Variants in PRC1 observed in about 807,000 individuals in gnomAD.
PRC1 encodes the protein protein regulator of cytokinesis 1.
In PRC1, 54 loss-of-function variants were observed where a neutral mutation model predicts 91.2. The observed-to-expected ratio is 0.59, with a 90% CI of 0.48 to 0.74. The LOEUF (loss-of-function observed/expected upper bound fraction) is 0.74, where lower values mean the gene tolerates loss of function less well. Ranked by LOEUF, PRC1 falls within the 30% of genes least tolerant of loss-of-function variation. PRC1 has a pLI of 0.00. For missense variants in PRC1, 727 were observed against 746.2 expected, an observed-to-expected ratio of 0.97 and a Z score of 0.30; for synonymous variants, 275 against 263.6, an observed-to-expected ratio of 1.04 and a Z score of -0.42.
intron 11 of PRC1, among the ~76,000 whole-genome samples, chr15:90,972,566 CCT>C (rs1454392012): frequency 6.6e-6 from 1 of 151,908 alleles, no homozygotes; most frequent in Non-Finnish European, 1.5e-5. Context: ...ATGGAGAAAC[CCT>C]GTCTCTACTA....
At chr15:90,968,109 CA>C in intron 14 of PRC1, 4 of 985,412 alleles carry the variant, frequency 4.1e-6, no homozygotes, top group Non-Finnish European at 4.8e-6. Flanking sequence ...CATAGCAACC[CA>C]AACCAGACGA....
In PRC1 at chr15:90,966,690, G is replaced by C. The variant is rs3743450; in HGVS notation, c.*441C>G. On this transcript the variant is annotated 3_prime_UTR_variant, in exon 15 of 15. Coordinates refer to ENST00000394249, the MANE Select transcript of PRC1 (RefSeq NM_003981.4). ...GGACAAGGCTTCAGGTAAGAGCAAA[G>C]CTATGATAGCTACAGCATTAATTGA... 4.4e-6 allele frequency: 2 copies of C among 455,780 alleles called. No homozygotes were observed. Among genetic ancestry groups the C allele is most frequent in the Non-Finnish European group, 8.8e-6 (2 of 226,836 alleles). The allele number at this position is 455,780 out of a possible 1,614,324, so 28.2% of individuals were successfully genotyped here.
rs200964554 is a variant in PRC1 at position 90,970,469 on chromosome 15, G to C, written c.1507C>G (p.Arg503Gly). 4 of 1,613,770 alleles carry C rather than the reference G, an allele frequency of 2.5e-6. No homozygotes were observed. The change falls in exon 12 of 15, where the codon CGG becomes GGG. Residue 503 changes from arginine to glycine, a missense_variant. Physicochemically the swap from Arg to Gly is moderately radical, Grantham distance 125 (BLOSUM62 -2). Coordinates refer to ENST00000394249, the MANE Select transcript of PRC1 (RefSeq NM_003981.4). ...TAGACTGTCCCTCCAAAGATAGGCCGAATGCTACTATTGGCCGTAGCATTG... is the reference window on the plus strand; with the variant it reads ...TAGACTGTCCCTCCAAAGATAGGCCCAATGCTACTATTGGCCGTAGCATTG... ...MSNATANSSI[R>G]PIFGGTVYHS... is the part of the protein sequence containing the mutation.
rs1414292733 is a variant in PRC1, at chr15:90,966,090, A to ATATT, written c.*1037_*1040dup. 1 of 152,338 alleles carries ATATT rather than the reference A, an allele frequency of 6.6e-6. No individual in the cohort carries two copies. Among genetic ancestry groups the ATATT allele is most frequent in the Non-Finnish European group, 1.5e-5 (1 of 68,106 alleles). The allele number at this position is 152,338 out of a possible 1,614,324, so 9.4% of individuals were successfully genotyped here. On this transcript the variant is annotated 3_prime_UTR_variant, in exon 15 of 15. Transcript: ENST00000394249. ...TTAATTTATTTTTAAGAATAATTGTATATTTTAAAAACAGGACACGTACTG... is the reference window on the plus strand; with the variant it reads ...TTAATTTATTTTTAAGAATAATTGTATATTTATTTTAAAAACAGGACACGTACTG...
At chr15:90,992,712 T>G (rs1183063656) in intron 1 of PRC1, among the ~76,000 whole-genome samples, 1 of 152,178 alleles carries the variant, frequency 6.6e-6, no homozygotes, top group Non-Finnish European at 1.5e-5. Flanking sequence ...GTCTGAGTTT[T>G]TTTTTTAGAT....
At position 90,974,629 on chromosome 15, in the gene PRC1, A is replaced by G. The variant is rs749599890; in HGVS notation, c.1306T>C (p.Trp436Arg). The part of the protein sequence containing the change: ...QKFMEYVAEQ[W>R]EMHRLEKERA... ...TCTTTCTCCAATCGATGCATCTCCC[A>G]TTGTTCTGCCACATACTCCATGAAT... Residue 436 changes from tryptophan to arginine, a missense_variant, in exon 10 of 15, where the codon TGG becomes CGG. Trp to Arg is a moderately radical substitution (Grantham distance 101, BLOSUM62 -3). Transcript: ENST00000394249. This position sits in a 1 kb window ranked among gnomAD's most constrained non-coding sequence, Gnocchi z 4.6. 2 of 1,613,950 alleles carry G rather than the reference A, an allele frequency of 1.2e-6. No homozygotes were observed. The highest frequency in any genetic ancestry group is 1.7e-6 in the Non-Finnish European group (2 of 1,180,032).
At chr15:90,967,796 A>C (rs563481890) in intron 14 of PRC1, 1 of 965,804 alleles carries the variant, frequency 1.0e-6, no homozygotes, top group Non-Finnish European at 1.2e-6. Context: ...AAATTGCCCC[A>C]CATTCTCAGA....
Position 90,984,163 on chromosome 15 carries a change from T to C in PRC1, c.145-23A>G, listed in dbSNP as rs746341061. The C allele has an allele frequency of 3.7e-5, 59 of 1,613,280 alleles. No homozygotes were observed. Among genetic ancestry groups the C allele is most frequent in the Non-Finnish European group, 4.9e-5 (58 of 1,179,530 alleles). ...TTCCTACAAGAGGGAAAACAGTCCATAAGTTTGGGGCAATGGAGGAAAAAA... is the reference window on the plus strand; with the variant it reads ...TTCCTACAAGAGGGAAAACAGTCCACAAGTTTGGGGCAATGGAGGAAAAAA... On this transcript the variant is annotated intron_variant, in intron 2 of 14. Transcript: ENST00000394249. The surrounding 1 kb of genome is among the most constrained non-coding windows in gnomAD (Gnocchi z 5.1).
chr15:90,991,117 A>T (rs2039955768), intron 1 of PRC1, among the ~76,000 whole-genome samples: 1 of 150,358 alleles, frequency 6.7e-6, no homozygotes, highest in Non-Finnish European at 1.5e-5. Flanking sequence ...TAATTGAAAA[A>T]CTTACAGATT....
chr15:90,969,763 CATATATATATATATAT>C (rs61067469), intron 12 of PRC1, 140 bp from the exon 13 acceptor site: 28,534 of 129,858 alleles, frequency 0.22, 2,976 homozygotes, highest in East Asian at 0.49. Flanking sequence ...AAAAAAAAAA[CATATATATATATATAT>C]ATATATATAT....
rs1268506741 is a variant in PRC1, at chr15:90,979,203, A to C, written c.1062T>G (p.Gly354=). ...YYEVHKELFE[G]VQKWEETWRL... ...TCCAGGTTTCTTCCCACTTCTGGACACCTTCAAAGAGTTCCTTGTGAACTT... is the reference window on the plus strand; with the variant it reads ...TCCAGGTTTCTTCCCACTTCTGGACCCCTTCAAAGAGTTCCTTGTGAACTT... The change falls in exon 8 of 15, where the codon GGT becomes GGG. Residue 354 remains glycine, a synonymous_variant. Transcript: ENST00000394249. 6.2e-7 allele frequency: 1 copy of C among 1,614,146 alleles called. No homozygotes were observed. The highest frequency in any genetic ancestry group is 1.7e-5 in the Admixed American group (1 of 59,994).
chr15:90,991,903 A>C (rs2040002852), intron 1 of PRC1, among the ~76,000 whole-genome samples: 1 of 151,834 alleles, frequency 6.6e-6, no homozygotes, highest in African/African-American at 2.4e-5. Flanking sequence ...TTGCCATCTC[A>C]CTCTAAGGAA....
At chr15:90,968,252 T>C (rs2037710886) in intron 14 of PRC1, 5 of 985,448 alleles carry the variant, frequency 5.1e-6, no homozygotes, top group Non-Finnish European at 6.0e-6. Flanking sequence ...ACACACCCAC[T>C]TTTAAAGGTA....
At chr15:90,987,109 T>TAAA (rs34262021) in intron 1 of PRC1, among the ~76,000 whole-genome samples, 1 of 125,024 alleles carries the variant, frequency 8.0e-6, no homozygotes, top group Non-Finnish European at 1.7e-5. Context: ...CTCTGCGTCT[T>TAAA]AAAAAAAAAA....
At chr15:90,973,681 C>T (rs1003518890) in intron 11 of PRC1, among the ~76,000 whole-genome samples, 1 of 152,090 alleles carries the variant, frequency 6.6e-6, no homozygotes, top group Admixed American at 6.5e-5. Context: ...GATACGCTGG[C>T]GGCAATGCTG....
At chr15:90,976,526 T>C (rs2038716961) in intron 9 of PRC1, 150 bp downstream of exon 9, 3 of 612,694 alleles carry the variant, frequency 4.9e-6, no homozygotes, top group South Asian at 4.3e-5. Context: ...CACCTTGATA[T>C]GGAGTTGCTT....
rs1040278318 is a variant in PRC1 at position 90,974,816 on chromosome 15, C to G, written c.1204-85G>C. The G allele has an allele frequency of 1.6e-5, 24 of 1,500,208 alleles. No homozygotes were observed. In the Middle Eastern group the frequency reaches 5.1e-4, roughly 32 times the overall value. The allele number at this position is 1,500,208 out of a possible 1,614,324, so 92.9% of individuals were successfully genotyped here. On this transcript the variant is annotated intron_variant, in intron 9 of 14. Transcript: ENST00000394249. The surrounding 1 kb of genome is among the most constrained non-coding windows in gnomAD (Gnocchi z 4.6). ...AAATGATTTCCCTAGAGAGTGACTC[C>G]TCCTCCCCAGAGCATCATTAGCCTC...
rs549999310 is a variant in PRC1 at position 90,972,260 on chromosome 15, G to GT, written c.1462-1747dup. Among the ~76,000 whole-genome samples the GT allele has an allele frequency of 6.7e-5, 10 of 149,920 alleles. No individual in the cohort carries two copies. The East Asian group carries it at 1.4e-3, about 21-fold the overall frequency. On this transcript the variant is annotated intron_variant, in intron 11 of 14. Coordinates refer to ENST00000394249, the MANE Select transcript of PRC1 (RefSeq NM_003981.4). ...TAGCCGGGTATGGTGGCATGTGCCC[G>GT]TAAGTCTCAGCTACATGGGAGGCTG...
intron 11 of PRC1, among the ~76,000 whole-genome samples, chr15:90,971,472 G>GA (rs1374012557): frequency 1.1e-4 from 17 of 152,008 alleles, no homozygotes; most frequent in African/African-American, 3.6e-4. Flanking sequence ...TTGTAGTAGA[G>GA]ATGGGGCTTC....
Sources: gnomAD v4.1 joint callset for allele counts (sites outside exome capture counted in the v4.1 genomes callset) on GRCh38, gnomAD v4.1.1 for gene constraint, Gnocchi (gnomAD v3.1) non-coding constraint, MANE v1.5 for transcripts, NCBI Gene and HGNC (gene_info 2026-07-23, HGNC 2026-07-21) for gene names.